Variants in PAPPA2 observed in about 807,000 individuals in gnomAD.
The protein encoded by PAPPA2 is pappalysin 2, also known as pappalysin-2.
In PAPPA2, 86 loss-of-function variants were observed where a neutral mutation model predicts 176.4. That is an observed-to-expected ratio of 0.49 (90% CI 0.41 to 0.58). The LOEUF (loss-of-function observed/expected upper bound fraction) is 0.58. Ranked by LOEUF, PAPPA2 falls within the 20% of genes least tolerant of loss-of-function variation. The pLI, the probability that PAPPA2 is intolerant of heterozygous loss-of-function variation, is 0.00. For synonymous variants in PAPPA2, 809 were observed against 852.2 expected (o/e 0.95, Z 0.88); for missense variants, 2,073 against 2,256.9 (o/e 0.92, Z 1.65).
At chr1:176,720,431 G>A (rs1395177604) in intron 12 of PAPPA2, among the ~76,000 whole-genome samples, 1 of 152,014 alleles carries the variant, frequency 6.6e-6, no homozygotes, top group African/African-American at 2.4e-5. Context: ...TCTAGTTGGA[G>A]AACTTAGTAC....
rs567311024 is a variant in PAPPA2 at position 176,759,557 on chromosome 1, G to C, written c.4152-6109G>C. ...TTATAGCCTTCTGGAGTTCTTTCAG[G>C]GTGGCTCAGAACCTCAGGGAAACCT... On this transcript the variant is annotated intron_variant, in intron 14 of 22. Coordinates refer to ENST00000367662, the MANE Select transcript of PAPPA2 (RefSeq NM_020318.3). Among the ~76,000 whole-genome samples the C allele has an allele frequency of 3.3e-5, 5 of 152,182 alleles. 1 individual carries two copies. The South Asian group carries it at 8.3e-4, about 25-fold the overall frequency.
intron 1 of PAPPA2, among the ~76,000 whole-genome samples, chr1:176,474,311 C>G (rs573916889): frequency 2.6e-5 from 4 of 152,288 alleles, no homozygotes; most frequent in African/African-American, 9.6e-5. Context: ...CTATCTGGAA[C>G]ACATAGTCTT....
At chr1:176,750,470 T>C (rs1344241109) in intron 14 of PAPPA2, among the ~76,000 whole-genome samples, 1 of 152,086 alleles carries the variant, frequency 6.6e-6, no homozygotes, top group Non-Finnish European at 1.5e-5. Flanking sequence ...CCTGGTGTGC[T>C]GGTGGGCACT....
At chr1:176,589,771 A>C (rs1285825665) in intron 2 of PAPPA2, among the ~76,000 whole-genome samples, 1 of 152,210 alleles carries the variant, frequency 6.6e-6, no homozygotes, top group African/African-American at 2.4e-5. Context: ...AAAATTATAA[A>C]ATCTCAATGT....
intron 12 of PAPPA2, among the ~76,000 whole-genome samples, chr1:176,726,075 C>G (rs778133119): frequency 6.6e-6 from 1 of 152,202 alleles, no homozygotes; most frequent in African/African-American, 2.4e-5. Context: ...CCACCGCGCC[C>G]GGCCAGAGTT....
chr1:176,691,507 G>A (rs868564047), intron 5 of PAPPA2, among the ~76,000 whole-genome samples: 24 of 152,320 alleles, frequency 1.6e-4, no homozygotes, highest in Middle Eastern at 6.8e-3. Flanking sequence ...CCTTTGAAGC[G>A]GGAAGAGGAA....
intron 1 of PAPPA2, among the ~76,000 whole-genome samples, chr1:176,501,347 ATGACAGGTCTT>A (rs1259913088): frequency 6.6e-6 from 1 of 152,194 alleles, no homozygotes; most frequent in Non-Finnish European, 1.5e-5. Flanking sequence ...GAAACAAGAA[ATGACAGGTCTT>A]TGCTATAAAA....
chr1:176,721,077 C>T (rs918789700), intron 12 of PAPPA2, among the ~76,000 whole-genome samples: 14 of 152,162 alleles, frequency 9.2e-5, no homozygotes, highest in Admixed American at 4.6e-4. Context: ...CAGTCTCCTC[C>T]AGAAACACCA....
At chr1:176,692,708 G>A (rs1461308739) in intron 6 of PAPPA2, among the ~76,000 whole-genome samples, 5 of 152,206 alleles carry the variant, frequency 3.3e-5, no homozygotes, top group African/African-American at 1.2e-4. Flanking sequence ...GCTTCTCCAG[G>A]CACTTCTGGG....
chr1:176,616,203 T>C (rs1396223709), intron 3 of PAPPA2: 1 of 395,650 alleles, frequency 2.5e-6, no homozygotes, highest in Non-Finnish European at 4.9e-6. Context: ...ACATGTTGGC[T>C]AATGTGTATA....
intron 3 of PAPPA2, among the ~76,000 whole-genome samples, chr1:176,637,670 G>A (rs61821157): frequency 0.065 from 9,954 of 152,144 alleles, 354 homozygotes; most frequent in South Asian, 0.14. Flanking sequence ...GAAGGCATGG[G>A]ATCTAATCCA....
rs530367584 is a variant in PAPPA2, at chr1:176,689,778, G to T, written c.2138-359G>T. On this transcript the variant is annotated intron_variant, in intron 4 of 22. Coordinates refer to ENST00000367662, the MANE Select transcript of PAPPA2 (RefSeq NM_020318.3). ...TCGTTTTGTGAACCTCATCCTCAAAGGTTTGGATTCAATTCATCTGGGGTA... is the reference window on the plus strand; with the variant it reads ...TCGTTTTGTGAACCTCATCCTCAAATGTTTGGATTCAATTCATCTGGGGTA... Among the ~76,000 whole-genome samples, 24 of 152,218 alleles carry T rather than the reference G, an allele frequency of 1.6e-4. 1 individual carries two copies. Among genetic ancestry groups the T allele is most frequent in the African/African-American group, 5.8e-4 (24 of 41,536 alleles).
intron 14 of PAPPA2, among the ~76,000 whole-genome samples, chr1:176,764,817 C>CT (rs1179596872): frequency 6.6e-6 from 1 of 152,166 alleles, no homozygotes; most frequent in South Asian, 2.1e-4. Context: ...AGGACAGTCT[C>CT]TATCTCCTGA....
At chr1:176,488,757 C>G (rs1316416957) in intron 1 of PAPPA2, among the ~76,000 whole-genome samples, 1 of 152,172 alleles carries the variant, frequency 6.6e-6, no homozygotes, top group East Asian at 1.9e-4. Flanking sequence ...AAAGAAGACG[C>G]AAAGGTTTGG....
chr1:176,573,012 C>T (rs1457972972), intron 2 of PAPPA2, among the ~76,000 whole-genome samples: 7 of 152,024 alleles, frequency 4.6e-5, no homozygotes, highest in African/African-American at 7.3e-5. Context: ...GAGAAACATC[C>T]GGGAAATTGG....
intron 1 of PAPPA2, among the ~76,000 whole-genome samples, chr1:176,467,177 A>C (rs1450825989): frequency 6.6e-6 from 1 of 152,190 alleles, no homozygotes; most frequent in African/African-American, 2.4e-5. Flanking sequence ...TGGCAGTTGC[A>C]ACACAATGAC....
chr1:176,714,584 G>C (rs978721001), intron 12 of PAPPA2, among the ~76,000 whole-genome samples: 2 of 152,162 alleles, frequency 1.3e-5, no homozygotes, highest in African/African-American at 4.8e-5. Flanking sequence ...TACATCTGCG[G>C]AAGAAGCCAT....
intron 17 of PAPPA2, among the ~76,000 whole-genome samples, chr1:176,776,992 A>C (rs1664483498): frequency 6.6e-6 from 1 of 152,100 alleles, no homozygotes; most frequent in Non-Finnish European, 1.5e-5. Flanking sequence ...AATTAGGATG[A>C]AAACCATTCT....
At chr1:176,836,682 C>T (rs1405617838) in intron 21 of PAPPA2, 2 of 152,194 alleles carry the variant, frequency 1.3e-5, no homozygotes, top group Non-Finnish European at 2.9e-5. Flanking sequence ...AGCTCTTCTC[C>T]ATGGGGCCTA....
Sources: allele counts gnomAD v4.1 joint callset (sites outside exome capture counted in the v4.1 genomes callset), GRCh38; gene constraint gnomAD v4.1.1; transcripts MANE v1.5; gene names NCBI Gene and HGNC (gene_info 2026-07-23, HGNC 2026-07-21).